MYOM1: variants seen among roughly 807,000 people sequenced by gnomAD.
The protein encoded by MYOM1 is myomesin 1.
In MYOM1, 164 loss-of-function variants were observed where a neutral mutation model predicts 205.3. The ratio of observed to expected loss-of-function variants is 0.80; its 90% confidence interval spans 0.70 to 0.91. The LOEUF (loss-of-function observed/expected upper bound fraction) is 0.91. MYOM1 is among the 40% of genes least tolerant of loss of function. The pLI, the probability that MYOM1 is intolerant of heterozygous loss-of-function variation, is 0.00. For synonymous variants in MYOM1, 772 were observed against 789.4 expected (o/e 0.98, Z 0.37); for missense variants, 2,011 against 2,127.3 (o/e 0.95, Z 1.08).
intron 22 of MYOM1, among the ~76,000 whole-genome samples, chr18:3,107,303 G>A (rs909314579): frequency 6.6e-6 from 1 of 152,282 alleles, no homozygotes; most frequent in South Asian, 2.1e-4. Context: ...ATTTTTAGTA[G>A]AGAGGGGGTT....
intron 1 of MYOM1, among the ~76,000 whole-genome samples, chr18:3,216,699 T>C (rs74744176): frequency 0.018 from 2,739 of 152,162 alleles, 85 homozygotes; most frequent in African/African-American, 0.058. Flanking sequence ...GTCCTGTAGG[T>C]AGCAGTAAGG....
chr18:3,076,452 TTA>T (rs2079022106), intron 34 of MYOM1, among the ~76,000 whole-genome samples: 1 of 152,186 alleles, frequency 6.6e-6, no homozygotes, highest in African/African-American at 2.4e-5. Context: ...CTTTGTCTTA[TTA>T]AATTATCCCA....
intron 37 of MYOM1, among the ~76,000 whole-genome samples, chr18:3,068,263 TAAGAAATAATA>T (rs1432578970): frequency 6.6e-6 from 1 of 151,990 alleles, no homozygotes; most frequent in Non-Finnish European, 1.5e-5. Context: ...CATGCAGTTG[TAAGAAATAATA>T]AAGAAATCCA....
the MYOM1 span, among the ~76,000 whole-genome samples, chr18:3,240,303 G>T: frequency 5.3e-5 from 8 of 152,138 alleles, no homozygotes; most frequent in African/African-American, 1.9e-4. Context: ...GATATGGTTT[G>T]GCTGTGTCCC....
At chr18:3,159,112 T>C (rs1307968964) in intron 10 of MYOM1, among the ~76,000 whole-genome samples, 3 of 152,144 alleles carry the variant, frequency 2.0e-5, no homozygotes, top group African/African-American at 7.2e-5. Flanking sequence ...AAAGAATACA[T>C]CAAAGCCTCA....
intron 29 of MYOM1, among the ~76,000 whole-genome samples, chr18:3,087,562 T>G (rs2079168521): frequency 6.7e-6 from 1 of 149,870 alleles, no homozygotes; most frequent in Admixed American, 6.7e-5. Context: ...TGATCTCGGC[T>G]CACTGCAACC....
chr18:3,097,675 G>T lies in MYOM1; in HGVS notation c.3727+2484C>A, dbSNP rs1486394322. Among the ~76,000 whole-genome samples, 4 of 152,124 alleles carry T rather than the reference G, an allele frequency of 2.6e-5. No individual in the cohort carries two copies. In the East Asian group the frequency reaches 7.7e-4, roughly 29 times the overall value. On this transcript the variant is annotated intron_variant, in intron 25 of 37. Coordinates refer to ENST00000356443, the MANE Select transcript of MYOM1 (RefSeq NM_003803.4). ...TCCCGCCTTGGCTTTCCTAAGTGCT[G>T]GGATTACAGGCATGAGCCACCTTGC...
chr18:3,151,936 T>A, intron 11 of MYOM1, 43 bp from the exon 12 acceptor site: 1 of 1,576,998 alleles, frequency 6.3e-7, no homozygotes, highest in Non-Finnish European at 8.7e-7. Context: ...AAAAGAAGTA[T>A]GGCTTAATGA....
chr18:3,126,174 A>G (rs1233573988), intron 19 of MYOM1, among the ~76,000 whole-genome samples: 1 of 151,160 alleles, frequency 6.6e-6, no homozygotes, highest in African/African-American at 2.4e-5. Context: ...CTGAGGCAGG[A>G]GAATCACTTT....
chr18:3,130,169 A>G (rs561821141), intron 17 of MYOM1, among the ~76,000 whole-genome samples: 1 of 151,966 alleles, frequency 6.6e-6, no homozygotes, highest in East Asian at 1.9e-4. Context: ...CAGCCTCCTA[A>G]GTAGCTGGGA....
chr18:3,232,116 G>A, the MYOM1 span, among the ~76,000 whole-genome samples: 3 of 151,826 alleles, frequency 2.0e-5, no homozygotes, highest in East Asian at 5.9e-4. Flanking sequence ...GATCACCTAA[G>A]GTCAGGAGTT....
At chr18:3,170,379 T>C (rs567575291) in intron 8 of MYOM1, among the ~76,000 whole-genome samples, 2 of 152,190 alleles carry the variant, frequency 1.3e-5, no homozygotes, top group African/African-American at 2.4e-5. Context: ...AAATATCGCA[T>C]GTACCCCATC....
chr18:3,246,191 C>T, the MYOM1 span: 7 of 152,252 alleles, frequency 4.6e-5, no homozygotes, highest in African/African-American at 1.7e-4. Flanking sequence ...CTGGTGCTCT[C>T]GTGGTGGCAG....
intron 34 of MYOM1, among the ~76,000 whole-genome samples, chr18:3,076,126 A>G (rs1001068970): frequency 2.6e-5 from 4 of 152,012 alleles, no homozygotes; most frequent in African/African-American, 9.7e-5. Flanking sequence ...GCAGTGGTGC[A>G]ATCTCGGCTC....
rs1012011607 is a variant in MYOM1, at chr18:3,100,545, T to C, written c.3576-119A>G. On this transcript the variant is annotated intron_variant, in intron 23 of 37. Coordinates refer to ENST00000356443, the MANE Select transcript of MYOM1 (RefSeq NM_003803.4). The stretch of plus-strand genomic sequence containing the variant: ...TTTCATCTGGACACCTCCTCTCATC[T>C]TGCTGAGCTACAGCCTACATGTTCT... 23 of 711,726 alleles carry C rather than the reference T, an allele frequency of 3.2e-5. No individual in the cohort carries two copies. The African/African-American group carries it at 3.9e-4, about 12-fold the overall frequency. The allele number at this position is 711,726 out of a possible 1,614,324, so 44.1% of individuals were successfully genotyped here. A position where few individuals can be genotyped will look rare whatever the true frequency, so the allele number is the denominator to read the frequency against.
intron 2 of MYOM1, among the ~76,000 whole-genome samples, chr18:3,214,112 G>T (rs1227478246): frequency 6.6e-6 from 1 of 152,210 alleles, no homozygotes; most frequent in East Asian, 1.9e-4. Context: ...TCGAGCTAAA[G>T]AAATTATCTG....
At chr18:3,233,764 C>T in the MYOM1 span, among the ~76,000 whole-genome samples, 1 of 152,230 alleles carries the variant, frequency 6.6e-6, no homozygotes, top group Non-Finnish European at 1.5e-5. Flanking sequence ...AATACATCTA[C>T]AGGTGGCTGG....
At position 3,193,280 on chromosome 18, in the gene MYOM1, A is replaced by C. The variant is rs1227047823; in HGVS notation, c.431+538T>G. Among the ~76,000 whole-genome samples the C allele has an allele frequency of 2.0e-5, 3 of 150,806 alleles. No homozygotes were observed. The East Asian group carries it at 5.8e-4, about 29-fold the overall frequency. On this transcript the variant is annotated intron_variant, in intron 3 of 37. Coordinates refer to ENST00000356443, the MANE Select transcript of MYOM1 (RefSeq NM_003803.4). ...CAGAGTGAGACCCTATCTCAAATAC[A>C]TAAATATATATACATATACATACAT... is the stretch of plus-strand genomic sequence containing the variant.
intron 2 of MYOM1, among the ~76,000 whole-genome samples, chr18:3,208,450 G>C (rs1037423001): frequency 6.6e-6 from 1 of 152,210 alleles, no homozygotes; most frequent in African/African-American, 2.4e-5. Flanking sequence ...CTGAGCCCAG[G>C]AGGTGGAGGT....
Sources: allele counts gnomAD v4.1 joint callset (sites outside exome capture counted in the v4.1 genomes callset), GRCh38; gene constraint gnomAD v4.1.1; transcripts MANE v1.5; gene names NCBI Gene and HGNC (gene_info 2026-07-23, HGNC 2026-07-21).